The following HPGD variants were observed in gnomAD, a reference collection of about 807,000 sequenced individuals.
HPGD encodes 15-hydroxyprostaglandin dehydrogenase.
In HPGD, 29 loss-of-function variants were observed where a neutral mutation model predicts 30.0. The ratio of observed to expected loss-of-function variants is 0.97; its 90% CI spans 0.72 to 1.32. HPGD has a LOEUF of 1.32. Ranked by LOEUF, HPGD falls within the 40% of genes most tolerant of loss-of-function variation. HPGD has a pLI of 0.00. For missense variants in HPGD, 340 were observed against 322.1 expected (o/e 1.06, Z -0.43); for synonymous variants, 99 against 112.4 (o/e 0.88, Z 0.75).
intron 4 of HPGD, among the ~76,000 whole-genome samples, chr4:174,501,479 A>G (rs1220852404): frequency 6.6e-6 from 1 of 152,220 alleles, no homozygotes; most frequent in East Asian, 1.9e-4. Context: ...AGTATTTTTC[A>G]GTACCTCTGA....
chr4:174,517,585 A>T (rs1560989075), intron 3 of HPGD, among the ~76,000 whole-genome samples: 1 of 152,174 alleles, frequency 6.6e-6, no homozygotes, highest in Non-Finnish European at 1.5e-5. Flanking sequence ...ATGGACACTG[A>T]AAGTTGAATT....
At chr4:174,511,789 G>A (rs916624017) in intron 3 of HPGD, among the ~76,000 whole-genome samples, 1 of 152,140 alleles carries the variant, frequency 6.6e-6, no homozygotes, top group African/African-American at 2.4e-5. Context: ...TGGGACTACA[G>A]GCGTCCGCCA....
intron 4 of HPGD, among the ~76,000 whole-genome samples, chr4:174,508,462 T>A (rs968927839): frequency 5.3e-5 from 8 of 152,104 alleles, no homozygotes; most frequent in African/African-American, 4.8e-5. Context: ...TTATATATAT[T>A]TTTTCAAATA....
At chr4:174,506,688 T>C (rs1265757759) in intron 4 of HPGD, 1 of 152,222 alleles carries the variant, frequency 6.6e-6, no homozygotes, top group East Asian at 1.9e-4. Flanking sequence ...AGGTAAACAG[T>C]GCTCAATAAA....
intron 4 of HPGD, among the ~76,000 whole-genome samples, chr4:174,505,529 G>T (rs757460859): frequency 2.6e-5 from 4 of 152,200 alleles, no homozygotes; most frequent in Non-Finnish European, 5.9e-5. Context: ...TGATGAAGAC[G>T]GAGGGGTCCT....
chr4:174,505,194 T>C (rs2110819016), intron 4 of HPGD, among the ~76,000 whole-genome samples: 1 of 152,314 alleles, frequency 6.6e-6, no homozygotes, highest in East Asian at 1.9e-4. Context: ...TCATTACTCA[T>C]TAACTTCTCT....
chr4:174,515,622 G>A (rs55863195), intron 3 of HPGD, among the ~76,000 whole-genome samples: 108,075 of 150,870 alleles, frequency 0.72, 38,827 homozygotes, highest in East Asian at 0.96. Flanking sequence ...AAAAATAGAT[G>A]GGACCTAATT....
rs778825547 is a variant in HPGD, at chr4:174,497,568, C to CTTTT, written c.422-1948_422-1945dup. On this transcript the variant is annotated intron_variant, in intron 4 of 6. Coordinates refer to ENST00000296522, the MANE Select transcript of HPGD (RefSeq NM_000860.6). ...CACTTTCTTTTCTTTCTTTTTCTTT[C>CTTTT]TTTTTTTTTTTTTTTTTTTTTTTTT... 9.2e-4 allele frequency among the ~76,000 whole-genome samples: 47 copies of CTTTT among 51,092 alleles called. 1 individual carries two copies. The highest frequency in any genetic ancestry group is 2.0e-3 in the African/African-American group (30 of 14,968). 33.5% of individuals were successfully genotyped at this position (51,092 alleles called of 152,430 possible).
At position 174,490,974 on chromosome 4, in the gene HPGD, T is replaced by C. The variant is rs1424851727; in HGVS notation, c.*982A>G. ...CACAGCTATTTTTATGTCTGTGTTG[T>C]TATGAGTTTCAGCATGGGTACAAAA... is the stretch of plus-strand genomic sequence containing the variant. On this transcript the variant is annotated 3_prime_UTR_variant, in exon 7 of 7. Coordinates refer to ENST00000296522, the MANE Select transcript of HPGD (RefSeq NM_000860.6). This position sits in a 1 kb window ranked among gnomAD's most constrained non-coding sequence, Gnocchi z 4.4. The C allele has an allele frequency of 1.3e-5, 2 of 152,356 alleles. No homozygotes were observed. The highest frequency in any genetic ancestry group is 2.9e-5 in the Non-Finnish European group (2 of 67,994). 9.4% of individuals were successfully genotyped at this position (152,356 alleles called of 1,614,324 possible).
intron 3 of HPGD, among the ~76,000 whole-genome samples, chr4:174,511,775 T>C (rs990870948): frequency 1.3e-5 from 2 of 152,310 alleles, no homozygotes; most frequent in African/African-American, 4.8e-5. Flanking sequence ...GCCTCCTGAA[T>C]AACTGGGACT....
chr4:174,495,543 C>G lies in HPGD; in HGVS notation c.498+5G>C. ...AATGAGATATGACGGTTGTTGTAGC[C>G]TCACCGCTGCTGAGCGTGTGAATCC... On this transcript the variant is annotated splice_donor_5th_base_variant and intron_variant, in intron 5 of 6. Transcript: ENST00000296522. The G allele has an allele frequency of 6.2e-7, 1 of 1,602,728 alleles. No homozygotes were observed. Among genetic ancestry groups the G allele is most frequent in the Non-Finnish European group, 8.5e-7 (1 of 1,169,748 alleles).
Position 174,508,774 on chromosome 4 carries a change from T to C in HPGD, c.343A>G (p.Thr115Ala). 6.3e-7 allele frequency: 1 copy of C among 1,598,140 alleles called. No individual in the cohort carries two copies. ...QINLVSVISGTYLGLDYMSKQ... is the reference protein window; with the variant it reads ...QINLVSVISGAYLGLDYMSKQ... ...CTCATGTAATCCAAACCAAGATAGG[T>C]TCCACTGATAACAGAAACCTAATCC... is the stretch of plus-strand genomic sequence containing the variant. Residue 115 changes from threonine to alanine, a missense_variant, in exon 4 of 7, where the codon ACC becomes GCC. Transcript: ENST00000296522.
chr4:174,511,941 C>G (rs1164254768), intron 3 of HPGD, among the ~76,000 whole-genome samples: 1 of 152,186 alleles, frequency 6.6e-6, no homozygotes, highest in Non-Finnish European at 1.5e-5. Context: ...TCACCGCTCC[C>G]GGCCTGCTGA....
In HPGD at chr4:174,492,072, A is replaced by T; in HGVS notation, c.685T>A (p.Leu229Met). 1 of 1,611,648 alleles carries T rather than the reference A, an allele frequency of 6.2e-7. No individual in the cohort carries two copies. Among genetic ancestry groups the T allele is most frequent in the Non-Finnish European group, 8.5e-7 (1 of 1,178,224 alleles). Residue 229 changes from leucine to methionine, a missense_variant, in exon 7 of 7, where the codon TTG becomes ATG. Leu to Met is a conservative substitution (Grantham distance 15). Coordinates refer to ENST00000296522, the MANE Select transcript of HPGD (RefSeq NM_000860.6). This position sits in a 1 kb window ranked among gnomAD's most constrained non-coding sequence, Gnocchi z 4.9. ...ILDPPLIANG[L>M]ITLIEDDALN... ...GCATCATCTTCAATGAGTGTTATCA[A>T]TCCATTGGCAATCAATGGTGGGCTA...
rs139715202 is a variant in HPGD, at chr4:174,495,613, C to T, written c.433G>A (p.Val145Ile). Residue 145 changes from valine to isoleucine, a missense_variant, in exon 5 of 7, where the codon GTT becomes ATT. Transcript: ENST00000296522. The part of the protein sequence containing the change: ...NMSSLAGLMP[V>I]AQQPVYCASK... Reference sequence around the variant, plus strand: ...GCACAATAAACCGGCTGCTGTGCAACGGGCATGAGTCCTGAAACAGACAAA... The same window carrying T: ...GCACAATAAACCGGCTGCTGTGCAATGGGCATGAGTCCTGAAACAGACAAA... The T allele has an allele frequency of 2.9e-4, 467 of 1,612,712 alleles. No homozygotes were observed. Among genetic ancestry groups the T allele is most frequent in the East Asian group, 1.2e-3 (55 of 44,864 alleles).
intron 2 of HPGD, among the ~76,000 whole-genome samples, chr4:174,520,753 C>T (rs1736061117): frequency 6.6e-6 from 1 of 152,228 alleles, no homozygotes; most frequent in Admixed American, 6.5e-5. Context: ...ATGTTGAGAT[C>T]TGACCTGGCT....
At chr4:174,497,220 G>T (rs938039026) in intron 4 of HPGD, among the ~76,000 whole-genome samples, 1 of 152,130 alleles carries the variant, frequency 6.6e-6, no homozygotes, top group African/African-American at 2.4e-5. Context: ...TCACACAGCC[G>T]CAAGAACTAC....
At chr4:174,514,631 C>T (rs1735674839) in intron 3 of HPGD, among the ~76,000 whole-genome samples, 1 of 152,094 alleles carries the variant, frequency 6.6e-6, no homozygotes, top group African/African-American at 2.4e-5. Flanking sequence ...ACTCTCACCA[C>T]TCATATTCAA....
intron 4 of HPGD, among the ~76,000 whole-genome samples, chr4:174,502,780 A>T (rs1013878669): frequency 6.6e-6 from 1 of 152,082 alleles, no homozygotes; most frequent in Non-Finnish European, 1.5e-5. Flanking sequence ...ATTTCTAGTG[A>T]CTCAGACAGT....
Sources: gnomAD v4.1 joint callset for allele counts (sites outside exome capture counted in the v4.1 genomes callset) on GRCh38, gnomAD v4.1.1 for gene constraint, Gnocchi (gnomAD v3.1) non-coding constraint, MANE v1.5 for transcripts, NCBI Gene and HGNC (gene_info 2026-07-23, HGNC 2026-07-21) for gene names.